Variants in ESRRG observed in about 807,000 individuals in gnomAD.
ESRRG encodes the protein estrogen related receptor gamma.
ESRRG carries 13 observed loss-of-function variants against 44.0 expected under a neutral mutation model. That is an observed-to-expected ratio of 0.30 (90% CI 0.19 to 0.47). ESRRG has a LOEUF of 0.47. Ranked by LOEUF, ESRRG falls within the 20% of genes least tolerant of loss-of-function variation. The pLI, the probability that ESRRG is intolerant of heterozygous loss-of-function variation, is 1.00. For synonymous variants in ESRRG, 215 were observed against 214.6 expected (o/e 1.00, Z -0.02); for missense variants, 395 against 580.6 (o/e 0.68, Z 3.29).
intron 1 of ESRRG, among the ~76,000 whole-genome samples, chr1:217,050,765 C>T (rs2085807065): frequency 6.6e-6 from 1 of 152,046 alleles, no homozygotes; most frequent in African/African-American, 2.4e-5. Context: ...AGACTCTCAC[C>T]AAAATAAATG....
intron 5 of ESRRG, among the ~76,000 whole-genome samples, chr1:216,521,118 G>C (rs529073367): frequency 6.6e-6 from 1 of 152,188 alleles, no homozygotes; most frequent in Non-Finnish European, 1.5e-5. Context: ...CATGTTATTT[G>C]ACAGGATTTC....
At chr1:216,720,660 T>C (rs1166335679) in intron 1 of ESRRG, among the ~76,000 whole-genome samples, 1 of 152,156 alleles carries the variant, frequency 6.6e-6, no homozygotes, top group Non-Finnish European at 1.5e-5. Flanking sequence ...GATTGTCTTG[T>C]TTTTTAATTA....
intron 2 of ESRRG, among the ~76,000 whole-genome samples, chr1:216,810,174 C>T (rs181966368): frequency 6.6e-6 from 1 of 152,088 alleles, no homozygotes; most frequent in Non-Finnish European, 1.5e-5. Context: ...CTCAGATCAC[C>T]AGGACTCAAG....
At chr1:216,743,836 A>T (rs543654644) in intron 2 of ESRRG, among the ~76,000 whole-genome samples, 15 of 152,208 alleles carry the variant, frequency 9.9e-5, no homozygotes, top group Non-Finnish European at 1.9e-4. Context: ...TCTCAGTAAC[A>T]TTCTAATTTT....
At chr1:216,569,849 C>T (rs944744736) in intron 3 of ESRRG, among the ~76,000 whole-genome samples, 3 of 152,244 alleles carry the variant, frequency 2.0e-5, no homozygotes, top group Non-Finnish European at 2.9e-5. Flanking sequence ...CATTAATATG[C>T]GACGGGCTCT....
intron 2 of ESRRG, among the ~76,000 whole-genome samples, chr1:216,933,207 T>C (rs897155789): frequency 3.3e-5 from 5 of 152,268 alleles, no homozygotes; most frequent in Admixed American, 2.6e-4. Context: ...ATTTTCTATA[T>C]TGACAATATA....
intron 1 of ESRRG, among the ~76,000 whole-genome samples, chr1:216,971,865 T>G (rs577554681): frequency 6.6e-6 from 1 of 152,314 alleles, no homozygotes; most frequent in African/African-American, 2.4e-5. Flanking sequence ...GAGGTGAAGA[T>G]TATCTCTTTT....
chr1:216,887,765 A>C (rs1369838185), intron 2 of ESRRG, among the ~76,000 whole-genome samples: 1 of 152,190 alleles, frequency 6.6e-6, no homozygotes, highest in Non-Finnish European at 1.5e-5. Flanking sequence ...ACTGTATTAA[A>C]AGATATACCT....
intron 2 of ESRRG, chr1:216,805,079 C>T (rs2094745346): frequency 6.6e-6 from 1 of 152,146 alleles, no homozygotes; most frequent in South Asian, 2.1e-4. Flanking sequence ...GTCCTTTCCA[C>T]ACCACGAACA....
chr1:217,032,389 G>A (rs1183178774), intron 1 of ESRRG, among the ~76,000 whole-genome samples: 2 of 152,048 alleles, frequency 1.3e-5, no homozygotes, highest in Non-Finnish European at 2.9e-5. Flanking sequence ...TCTAGTGGAG[G>A]ATAAAACAAT....
intron 1 of ESRRG, among the ~76,000 whole-genome samples, chr1:217,072,548 C>A (rs184220483): frequency 4.7e-4 from 72 of 152,288 alleles, no homozygotes; most frequent in Admixed American, 3.0e-3. Flanking sequence ...TTAACCCCAG[C>A]TTTACAACAA....
chr1:216,608,804 C>A (rs2150273668), intron 3 of ESRRG, among the ~76,000 whole-genome samples: 1 of 152,314 alleles, frequency 6.6e-6, no homozygotes, highest in East Asian at 1.9e-4. Context: ...ATGAAGCAAT[C>A]AGATTGCATC....
At chr1:216,704,807 C>T (rs1433611177) in intron 1 of ESRRG, among the ~76,000 whole-genome samples, 1 of 151,966 alleles carries the variant, frequency 6.6e-6, no homozygotes, top group African/African-American at 2.4e-5. Flanking sequence ...CCCCTACCCA[C>T]AGCCCAAAAT....
At chr1:216,649,667 C>G (rs2068476178) in intron 3 of ESRRG, among the ~76,000 whole-genome samples, 1 of 152,022 alleles carries the variant, frequency 6.6e-6, no homozygotes, top group Admixed American at 6.6e-5. Context: ...TTGTGTATAG[C>G]TCTTTCTCAA....
chr1:216,585,145 T>C (rs1337950191), intron 3 of ESRRG, among the ~76,000 whole-genome samples: 1 of 152,136 alleles, frequency 6.6e-6, no homozygotes, highest in Admixed American at 6.5e-5. Flanking sequence ...AAAAATCACC[T>C]ACAGAAAATA....
At chr1:216,862,624 C>A (rs768097450) in intron 2 of ESRRG, 1 of 152,072 alleles carries the variant, frequency 6.6e-6, no homozygotes, top group African/African-American at 2.4e-5. Context: ...CTGATTGAGA[C>A]AAACCAGATA....
At chr1:217,085,817 C>A (rs2092056211) in intron 1 of ESRRG, among the ~76,000 whole-genome samples, 1 of 152,012 alleles carries the variant, frequency 6.6e-6, no homozygotes, top group South Asian at 2.1e-4. Context: ...AACTCTCCTA[C>A]AGCACCACAC....
At chr1:216,917,052 T>C (rs570062281) in intron 2 of ESRRG, among the ~76,000 whole-genome samples, 77 of 151,590 alleles carry the variant, frequency 5.1e-4, no homozygotes, top group East Asian at 1.4e-3. Flanking sequence ...CTGGGCTCAA[T>C]TGAACCTCTC....
chr1:216,620,355 T>C (rs568076054), intron 3 of ESRRG, among the ~76,000 whole-genome samples: 1 of 152,338 alleles, frequency 6.6e-6, no homozygotes, highest in African/African-American at 2.4e-5. Flanking sequence ...TTATCTAATA[T>C]ATTTTAGACC....
Sources: allele counts gnomAD v4.1 joint callset (sites outside exome capture counted in the v4.1 genomes callset), GRCh38; gene constraint gnomAD v4.1.1; transcripts MANE v1.5; gene names NCBI Gene and HGNC (gene_info 2026-07-23, HGNC 2026-07-21).